Variants in TNFRSF19 observed in about 807,000 individuals in gnomAD.
TNFRSF19 encodes the protein tumor necrosis factor receptor superfamily member 19.
In TNFRSF19, 27 loss-of-function variants were observed where a neutral mutation model predicts 46.4. The ratio of observed to expected loss-of-function variants is 0.58; its 90% CI spans 0.43 to 0.80. The LOEUF is 0.80. TNFRSF19 is among the 30% of genes least tolerant of loss of function. The probability of loss-of-function intolerance (pLI) is 0.00; values close to 1 mark genes in which losing one functional copy is unlikely to be tolerated. For missense variants in TNFRSF19, 511 were observed against 530.8 expected (o/e 0.96, Z 0.37); for synonymous variants, 204 against 205.0 (o/e 1.00, Z 0.04).
intron 5 of TNFRSF19, among the ~76,000 whole-genome samples, chr13:23,638,471 T>C (rs1882835024): frequency 6.6e-6 from 1 of 152,152 alleles, no homozygotes; most frequent in Non-Finnish European, 1.5e-5. Context: ...TGCCAGCCCC[T>C]CCCCATGGTC....
intron 9 of TNFRSF19, among the ~76,000 whole-genome samples, chr13:23,673,080 A>G (rs1216096400): frequency 6.6e-6 from 1 of 152,238 alleles, no homozygotes; most frequent in Non-Finnish European, 1.5e-5. Context: ...AAAGCCCACA[A>G]AAGAATTGTT....
chr13:23,575,505 T>C (rs545466508), intron 1 of TNFRSF19, among the ~76,000 whole-genome samples: 2 of 152,340 alleles, frequency 1.3e-5, no homozygotes, highest in African/African-American at 4.8e-5. Flanking sequence ...CTCAGCCCCA[T>C]GCTGATAGTC....
At chr13:23,623,719 G>T (rs891934926) in intron 4 of TNFRSF19, among the ~76,000 whole-genome samples, 1 of 152,110 alleles carries the variant, frequency 6.6e-6, no homozygotes, top group African/African-American at 2.4e-5. Context: ...GATTAGTGAT[G>T]TTGAACATGT....
chr13:23,617,119 T>G (rs1593259335), intron 4 of TNFRSF19, among the ~76,000 whole-genome samples: 1 of 150,900 alleles, frequency 6.6e-6, no homozygotes, highest in African/African-American at 2.4e-5. Flanking sequence ...AGCAGAGAGG[T>G]GGGGAAGAGC....
At chr13:23,595,942 T>C (rs1879689074) in intron 3 of TNFRSF19, among the ~76,000 whole-genome samples, 2 of 151,884 alleles carry the variant, frequency 1.3e-5, no homozygotes, top group Non-Finnish European at 2.9e-5. Flanking sequence ...CAGAAGAGAG[T>C]GGGGGCCAGT....
intron 7 of TNFRSF19, among the ~76,000 whole-genome samples, chr13:23,661,971 C>G (rs1299840561): frequency 6.6e-6 from 1 of 152,152 alleles, no homozygotes; most frequent in African/African-American, 2.4e-5. Flanking sequence ...AACATTTTCT[C>G]CCATTCTGTA....
intron 5 of TNFRSF19, among the ~76,000 whole-genome samples, chr13:23,652,181 G>A (rs1390615929): frequency 1.3e-5 from 2 of 152,266 alleles, no homozygotes; most frequent in African/African-American, 4.8e-5. Flanking sequence ...GTGGTTAACT[G>A]CTCTCTAGGC....
At chr13:23,608,188 T>G (rs1465249136) in intron 3 of TNFRSF19, among the ~76,000 whole-genome samples, 4 of 152,228 alleles carry the variant, frequency 2.6e-5, no homozygotes, top group Non-Finnish European at 4.4e-5. Context: ...TGACTTAGAT[T>G]GATGATACCC....
At chr13:23,667,544 C>T (rs979437434) in intron 7 of TNFRSF19, among the ~76,000 whole-genome samples, 30 of 152,196 alleles carry the variant, frequency 2.0e-4, no homozygotes, top group African/African-American at 5.5e-4. Flanking sequence ...TCCTTTTCCC[C>T]GCTTATTATT....
intron 5 of TNFRSF19, among the ~76,000 whole-genome samples, chr13:23,630,041 C>T (rs558566202): frequency 8.5e-4 from 129 of 152,214 alleles, no homozygotes; most frequent in African/African-American, 2.8e-3. Context: ...CTGTGGCTCA[C>T]GCCTGTAATC....
At chr13:23,671,717 A>G (rs1224674579) in intron 9 of TNFRSF19, among the ~76,000 whole-genome samples, 1 of 152,200 alleles carries the variant, frequency 6.6e-6, no homozygotes, top group Non-Finnish European at 1.5e-5. Context: ...ACTAGAGGAC[A>G]CATTCACATC....
chr13:23,605,368 A>G (rs1593249375), intron 3 of TNFRSF19, among the ~76,000 whole-genome samples: 2 of 152,328 alleles, frequency 1.3e-5, no homozygotes, highest in South Asian at 4.1e-4. Flanking sequence ...GCTAGTGGGA[A>G]TGCAAAATGG....
intron 4 of TNFRSF19, among the ~76,000 whole-genome samples, chr13:23,617,391 C>A (rs1177928619): frequency 1.3e-5 from 2 of 152,180 alleles, no homozygotes. Flanking sequence ...AGTTAAATTC[C>A]TGACTGCTTC....
Position 23,579,812 on chromosome 13 carries a change from A to G in TNFRSF19, c.-35+8964A>G, listed in dbSNP as rs565765928. The stretch of plus-strand genomic sequence containing the variant: ...CGCGAGCGACGCGACCTGGACTCCT[A>G]TCCGGGATATTGTAAATAGATCTGC... On this transcript the variant is annotated intron_variant, in intron 1 of 9. Transcript: ENST00000248484. Among the ~76,000 whole-genome samples, 20 of 151,932 alleles carry G rather than the reference A, an allele frequency of 1.3e-4. 1 individual carries two copies. The South Asian group carries it at 3.7e-3, about 28-fold the overall frequency.
chr13:23,626,649 C>T (rs1882030999), intron 4 of TNFRSF19, 58 bp from the exon 5 acceptor site: 1 of 1,548,586 alleles, frequency 6.5e-7, no homozygotes, highest in African/African-American at 1.4e-5. Context: ...TAATTTATGA[C>T]CACAACTGTA....
rs148756021 is a variant in TNFRSF19 at position 23,669,059 on chromosome 13, G to A, written c.1207G>A (p.Gly403Ser). Reference protein sequence around the residue: ...TMRSQLDQESGAVIHPATQTS... With the variant: ...TMRSQLDQESSAVIHPATQTS... The stretch of plus-strand genomic sequence containing the variant: ...GAGAAGCCAGCTAGATCAGGAGAGT[G>A]GTGCTGTCATCCACCCAGCCACTCA... Residue 403 changes from glycine to serine, a missense_variant, in exon 9 of 10, where the codon GGT becomes AGT. Around this residue, in one of 3 missense-constraint regions of TNFRSF19, gnomAD observed 376 missense variants for 372.7 expected, o/e 1.01. Coordinates refer to ENST00000248484, the MANE Select transcript of TNFRSF19 (RefSeq NM_148957.4). The A allele has an allele frequency of 8.7e-6, 14 of 1,614,028 alleles. No homozygotes were observed. The African/African-American group carries it at 1.6e-4, about 18-fold the overall frequency.
In TNFRSF19 at chr13:23,659,270, A is replaced by ATT. The variant is rs1884183689; in HGVS notation, c.610+57_610+58dup. ...ATTTAGGGGAAGGGCATTTATTACT[A>ATT]TTGTCGTGCAAGTGTTCCACAAGAG... On this transcript the variant is annotated intron_variant, in intron 6 of 9. Coordinates refer to ENST00000248484, the MANE Select transcript of TNFRSF19 (RefSeq NM_148957.4). The surrounding 1 kb of genome is among the most constrained non-coding windows in gnomAD (Gnocchi z 4.9). 2 of 1,542,298 alleles carry ATT rather than the reference A, an allele frequency of 1.3e-6. No individual in the cohort carries two copies. Among genetic ancestry groups the ATT allele is most frequent in the Non-Finnish European group, 1.8e-6 (2 of 1,137,722 alleles).
intron 5 of TNFRSF19, among the ~76,000 whole-genome samples, chr13:23,629,143 C>A (rs1316415168): frequency 2.0e-5 from 3 of 151,530 alleles, no homozygotes; most frequent in African/African-American, 7.3e-5. Flanking sequence ...TGTTTTTCTC[C>A]CTCTTGAGGA....
At chr13:23,624,418 A>G (rs1344929466) in intron 4 of TNFRSF19, among the ~76,000 whole-genome samples, 1 of 152,126 alleles carries the variant, frequency 6.6e-6, no homozygotes, top group East Asian at 1.9e-4. Context: ...ATATCCTTTG[A>G]AAAGATTGTC....
Sources: allele counts gnomAD v4.1 joint callset (sites outside exome capture counted in the v4.1 genomes callset), GRCh38; gene constraint gnomAD v4.1.1; regional missense constraint gnomAD v4.1.1; non-coding constraint Gnocchi (gnomAD v3.1); transcripts MANE v1.5; gene names NCBI Gene and HGNC (gene_info 2026-07-23, HGNC 2026-07-21).